Variants in ME1 observed in about 807,000 individuals in gnomAD.
ME1 encodes malic enzyme 1.
In ME1, 74 loss-of-function variants were observed where a neutral mutation model predicts 66.4. That is an observed-to-expected ratio of 1.11 (90% CI 0.92 to 1.35). ME1 has a LOEUF of 1.35. Among genes scored for constraint, ME1 ranks in the 40% most tolerant of loss-of-function variants. The pLI, the probability that ME1 is intolerant of heterozygous loss-of-function variation, is 0.00. For missense variants in ME1, 750 were observed against 694.1 expected (o/e 1.08, Z -0.90); for synonymous variants, 251 against 235.6 (o/e 1.07, Z -0.60).
intron 3 of ME1, among the ~76,000 whole-genome samples, chr6:83,396,563 T>C (rs1250293578): frequency 6.6e-6 from 1 of 152,154 alleles, no homozygotes; most frequent in Admixed American, 6.5e-5. Context: ...GATCTACAGA[T>C]TCAGTACAAT....
chr6:83,237,596 A>G lies in ME1; in HGVS notation c.1026+121T>C, dbSNP rs1790440222. On this transcript the variant is annotated intron_variant, in intron 9 of 13. Coordinates refer to ENST00000369705, the MANE Select transcript of ME1 (RefSeq NM_002395.6). ...TATTCTGTATGACATGATCATTTGT[A>G]TTTAATGGCTACTCTTTTAATATAG... is the stretch of plus-strand genomic sequence containing the variant. The G allele has an allele frequency of 1.7e-5, 9 of 524,816 alleles. No individual in the cohort carries two copies. The Admixed American group carries it at 2.1e-4, about 12-fold the overall frequency. 32.5% of individuals were successfully genotyped at this position (524,816 alleles called of 1,614,324 possible). A position where few individuals can be genotyped will look rare whatever the true frequency, so the allele number is the denominator to read the frequency against.
chr6:83,312,678 T>C (rs1303012650), intron 6 of ME1, among the ~76,000 whole-genome samples: 1 of 152,146 alleles, frequency 6.6e-6, no homozygotes, highest in Non-Finnish European at 1.5e-5. Context: ...CCATGGCTAT[T>C]GGTGGGTCCA....
At chr6:83,225,986 A>G (rs913216186) in intron 11 of ME1, among the ~76,000 whole-genome samples, 2 of 152,036 alleles carry the variant, frequency 1.3e-5, no homozygotes, top group South Asian at 2.1e-4. Flanking sequence ...ACCTTCCCAT[A>G]CCATTTTTAG....
intron 1 of ME1, among the ~76,000 whole-genome samples, chr6:83,415,253 A>G (rs879618585): frequency 1.6e-4 from 25 of 152,304 alleles, no homozygotes; most frequent in Non-Finnish European, 2.5e-4. Flanking sequence ...TTAGACAGCA[A>G]TTCCAACACA....
chr6:83,391,092 G>C (rs1769611886), intron 3 of ME1, among the ~76,000 whole-genome samples: 1 of 152,118 alleles, frequency 6.6e-6, no homozygotes, highest in Non-Finnish European at 1.5e-5. Context: ...TGCTGCCAAT[G>C]ATTTCAGATA....
At chr6:83,253,074 A>C (rs113276934) in intron 7 of ME1, among the ~76,000 whole-genome samples, 3 of 152,266 alleles carry the variant, frequency 2.0e-5, no homozygotes, top group African/African-American at 7.2e-5. Context: ...ATAATGAAAC[A>C]GAACCTGTAA....
At chr6:83,350,881 T>G (rs1256701996) in intron 4 of ME1, among the ~76,000 whole-genome samples, 1 of 151,102 alleles carries the variant, frequency 6.6e-6, no homozygotes, top group Non-Finnish European at 1.5e-5. Context: ...ATTAAGATGT[T>G]TCTTAGGGTA....
At chr6:83,223,970 A>T in intron 11 of ME1, 37 bp from the exon 12 acceptor site, 2 of 1,583,632 alleles carry the variant, frequency 1.3e-6, no homozygotes, top group Non-Finnish European at 1.7e-6. Flanking sequence ...TTTAAAAAGA[A>T]GCAGAATATT....
intron 8 of ME1, 67 bp from the exon 9 acceptor site, chr6:83,237,897 C>T: frequency 1.3e-6 from 1 of 766,962 alleles, no homozygotes; most frequent in Non-Finnish European, 2.0e-6. Flanking sequence ...TTACATTTCA[C>T]CCCATTTTGT....
intron 6 of ME1, among the ~76,000 whole-genome samples, chr6:83,301,310 TTCTTTCTC>T (rs1362513001): frequency 2.3e-5 from 3 of 131,540 alleles, no homozygotes; most frequent in African/African-American, 3.8e-5. Flanking sequence ...CCTTCTTTCT[TTCTTTCTC>T]TCTCTCTCTC....
At chr6:83,285,458 A>C (rs1767378612) in intron 6 of ME1, among the ~76,000 whole-genome samples, 1 of 152,202 alleles carries the variant, frequency 6.6e-6, no homozygotes, top group Non-Finnish European at 1.5e-5. Flanking sequence ...GTACTTGCTG[A>C]AGACAGATAA....
At chr6:83,342,450 G>A (rs1340715511) in intron 5 of ME1, among the ~76,000 whole-genome samples, 1 of 152,150 alleles carries the variant, frequency 6.6e-6, no homozygotes, top group Non-Finnish European at 1.5e-5. Flanking sequence ...AGTTACATGT[G>A]TATCTCCTCT....
At chr6:83,325,049 G>T (rs921367191) in intron 5 of ME1, among the ~76,000 whole-genome samples, 1 of 152,106 alleles carries the variant, frequency 6.6e-6, no homozygotes, top group Non-Finnish European at 1.5e-5. Flanking sequence ...GGGATGCAAG[G>T]CTGGTTCAAC....
At chr6:83,378,797 C>T (rs1234542091) in intron 3 of ME1, among the ~76,000 whole-genome samples, 1 of 151,594 alleles carries the variant, frequency 6.6e-6, no homozygotes, top group East Asian at 1.9e-4. Context: ...CTTTCAGCAA[C>T]TTGTTCATCT....
intron 3 of ME1, among the ~76,000 whole-genome samples, chr6:83,367,107 G>C (rs1440777508): frequency 6.6e-6 from 1 of 152,126 alleles, no homozygotes; most frequent in Non-Finnish European, 1.5e-5. Flanking sequence ...CTCCATCAGA[G>C]CTCTTATGTG....
At chr6:83,294,816 C>G (rs1448836249) in intron 6 of ME1, among the ~76,000 whole-genome samples, 1 of 152,044 alleles carries the variant, frequency 6.6e-6, no homozygotes, top group Admixed American at 6.5e-5. Context: ...AGGGCAATTG[C>G]ACTGATAGAT....
intron 2 of ME1, among the ~76,000 whole-genome samples, chr6:83,401,826 C>T (rs1486892705): frequency 6.6e-6 from 1 of 152,142 alleles, no homozygotes; most frequent in Non-Finnish European, 1.5e-5. Flanking sequence ...TGATGTGGCA[C>T]CATTCTCCAG....
At chr6:83,271,426 T>C (rs936112612) in intron 6 of ME1, among the ~76,000 whole-genome samples, 1 of 152,178 alleles carries the variant, frequency 6.6e-6, no homozygotes, top group Non-Finnish European at 1.5e-5. Context: ...AATTGGTTTT[T>C]TGAAATTTGG....
intron 1 of ME1, 107 bp downstream of exon 1, chr6:83,430,770 C>T: frequency 9.8e-7 from 1 of 1,016,368 alleles, no homozygotes; most frequent in East Asian, 3.0e-5. Context: ...CGGGAACCTT[C>T]CCAGGGGAGC....
Sources: gnomAD v4.1 joint callset for allele counts (sites outside exome capture counted in the v4.1 genomes callset) on GRCh38, gnomAD v4.1.1 for gene constraint, MANE v1.5 for transcripts, NCBI Gene and HGNC (gene_info 2026-07-23, HGNC 2026-07-21) for gene names.